INPP5A: variants seen among roughly 807,000 people sequenced by gnomAD.
INPP5A encodes the protein 43 kDa inositol polyphosphate 5-phophatase.
A neutral mutation model predicts 65.2 loss-of-function variants in INPP5A; 14 were observed. The observed-to-expected ratio is 0.21, with a 90% confidence interval of 0.14 to 0.34. INPP5A has a LOEUF of 0.34. Ranked by LOEUF, INPP5A falls within the 10% of genes least tolerant of loss-of-function variation. INPP5A has a pLI of 1.00. For missense variants in INPP5A, 431 were observed against 545.6 expected, an observed-to-expected ratio of 0.79 and a Z score of 2.09; for synonymous variants, 207 against 208.3, an observed-to-expected ratio of 0.99 and a Z score of 0.05.
intron 11 of INPP5A, 65 bp downstream of exon 11, chr10:132,749,910 A>G (rs1349308988): frequency 2.9e-6 from 4 of 1,387,986 alleles, no homozygotes; most frequent in Non-Finnish European, 4.1e-6. Flanking sequence ...AGGCCTTCCC[A>G]TTACCTCTGC....
chr10:132,628,290 C>T lies in INPP5A; in HGVS notation c.118-17578C>T, dbSNP rs369237153. On this transcript the variant is annotated intron_variant, in intron 2 of 15. Transcript: ENST00000368594. ...CCCTTTCTGGGCTGTGTAACCTCACCGTGCCCCGCTTCCTCGTGAGCATGC... is the reference window on the plus strand; with the variant it reads ...CCCTTTCTGGGCTGTGTAACCTCACTGTGCCCCGCTTCCTCGTGAGCATGC... Among the ~76,000 whole-genome samples, 38 of 152,106 alleles carry T rather than the reference C, an allele frequency of 2.5e-4. No individual in the cohort carries two copies. The East Asian group carries it at 2.5e-3, about 10-fold the overall frequency.
chr10:132,613,126 T>G (rs2071982275), intron 2 of INPP5A, among the ~76,000 whole-genome samples: 1 of 152,222 alleles, frequency 6.6e-6, no homozygotes, highest in Non-Finnish European at 1.5e-5. Flanking sequence ...TACCTTTTTT[T>G]CTTTTACTTA....
intron 1 of INPP5A, among the ~76,000 whole-genome samples, chr10:132,556,461 A>G (rs1319747749): frequency 6.6e-6 from 1 of 152,152 alleles, no homozygotes; most frequent in Non-Finnish European, 1.5e-5. Context: ...CTGTACACAC[A>G]TGCACATCAC....
chr10:132,650,029 C>A lies in INPP5A; in HGVS notation c.219-389C>A, dbSNP rs1288262788. Among the ~76,000 whole-genome samples, 2 of 152,154 alleles carry A rather than the reference C, an allele frequency of 1.3e-5. No homozygotes were observed. The highest frequency in any genetic ancestry group is 4.8e-5 in the African/African-American group (2 of 41,426). ...GTGCATGTGCCCCAACCTGTGTGTG[C>A]TGGTGGCTACTGGGGGTCCAATTTC... On this transcript the variant is annotated intron_variant, in intron 3 of 15. Transcript: ENST00000368594. This position sits in a 1 kb window ranked among gnomAD's most constrained non-coding sequence, Gnocchi z 5.5.
chr10:132,739,816 A>C (rs985751143), intron 9 of INPP5A, among the ~76,000 whole-genome samples: 1 of 152,200 alleles, frequency 6.6e-6, no homozygotes, highest in Non-Finnish European at 1.5e-5. Flanking sequence ...GCCAGGACCC[A>C]GGGGCCTCAG....
intron 1 of INPP5A, among the ~76,000 whole-genome samples, chr10:132,576,904 C>T (rs1022898189): frequency 6.6e-6 from 1 of 152,200 alleles, no homozygotes; most frequent in Non-Finnish European, 1.5e-5. Flanking sequence ...TGTGCTCTGC[C>T]GGTGTCTGCC....
chr10:132,755,037 G>C (rs1224828373), intron 11 of INPP5A, among the ~76,000 whole-genome samples: 1 of 151,832 alleles, frequency 6.6e-6, no homozygotes, highest in East Asian at 2.0e-4. Flanking sequence ...GCGTGTGTGT[G>C]ATCGTATGCA....
At chr10:132,579,784 G>A (rs1259190040) in intron 1 of INPP5A, among the ~76,000 whole-genome samples, 1 of 152,030 alleles carries the variant, frequency 6.6e-6, no homozygotes. Context: ...AGATTGAGCA[G>A]GTTTTTAATT....
intron 5 of INPP5A, among the ~76,000 whole-genome samples, chr10:132,691,190 A>T (rs1052199979): frequency 6.6e-6 from 1 of 152,126 alleles, no homozygotes; most frequent in African/African-American, 2.4e-5. Context: ...ATTGCGCGGT[A>T]GTCTTATCTC....
intron 4 of INPP5A, among the ~76,000 whole-genome samples, chr10:132,664,049 T>G (rs1394693065): frequency 1.3e-5 from 2 of 152,360 alleles, no homozygotes; most frequent in African/African-American, 2.4e-5. Context: ...ACTTTCATGC[T>G]TGTTAGCATT....
chr10:132,750,367 G>A (rs2001426), intron 11 of INPP5A, among the ~76,000 whole-genome samples: 24,839 of 152,268 alleles, frequency 0.16, 2,453 homozygotes, highest in Non-Finnish European at 0.22. Context: ...CCATGAGCAC[G>A]TGTGTAAACA....
chr10:132,715,705 A>G (rs1411871645), intron 8 of INPP5A, among the ~76,000 whole-genome samples: 3 of 152,242 alleles, frequency 2.0e-5, no homozygotes, highest in African/African-American at 7.2e-5. Context: ...CTCGGCATTA[A>G]AGATCTGGGT....
At chr10:132,585,547 C>T (rs141559309) in intron 1 of INPP5A, among the ~76,000 whole-genome samples, 131 of 152,256 alleles carry the variant, frequency 8.6e-4, no homozygotes, top group African/African-American at 3.0e-3. Context: ...CCGTTACAGG[C>T]GTCCACTGGG....
intron 1 of INPP5A, among the ~76,000 whole-genome samples, chr10:132,548,740 CAGCGTTTCA>C (rs2071011537): frequency 6.6e-6 from 1 of 150,940 alleles, no homozygotes; most frequent in Non-Finnish European, 1.5e-5. Context: ...TAGCATAACG[CAGCGTTTCA>C]AGGTTTGTAT....
intron 1 of INPP5A, among the ~76,000 whole-genome samples, chr10:132,556,398 T>C (rs2071126404): frequency 6.6e-6 from 1 of 152,152 alleles, no homozygotes. Context: ...AGGGCCAGAA[T>C]ATCTGGGCAC....
intron 7 of INPP5A, 196 bp downstream of exon 7, chr10:132,708,561 G>C (rs1355542670): frequency 1.4e-6 from 1 of 722,450 alleles, no homozygotes; most frequent in Non-Finnish European, 2.6e-6. Context: ...ACTGTTCCCT[G>C]TAAGTCAGAC....
intron 2 of INPP5A, among the ~76,000 whole-genome samples, chr10:132,638,549 C>T (rs2072386141): frequency 6.6e-6 from 1 of 152,098 alleles, no homozygotes; most frequent in Non-Finnish European, 1.5e-5. Flanking sequence ...ATTTGTAGCT[C>T]CCAATTTTAT....
At chr10:132,738,254 G>C (rs1170825084) in intron 9 of INPP5A, among the ~76,000 whole-genome samples, 1 of 152,222 alleles carries the variant, frequency 6.6e-6, no homozygotes, top group Non-Finnish European at 1.5e-5. Context: ...GCCAAGGCAG[G>C]GGGTTGCTGG....
At position 132,676,826 on chromosome 10, in the gene INPP5A, G is replaced by C. The variant is rs924645885; in HGVS notation, c.307-13566G>C. Among the ~76,000 whole-genome samples, 1 of 152,178 alleles carries C rather than the reference G, an allele frequency of 6.6e-6. No homozygotes were observed. Among genetic ancestry groups the C allele is most frequent in the African/African-American group, 2.4e-5 (1 of 41,432 alleles). On this transcript the variant is annotated intron_variant, in intron 4 of 15. Coordinates refer to ENST00000368594, the MANE Select transcript of INPP5A (RefSeq NM_005539.5). This position sits in a 1 kb window ranked among gnomAD's most constrained non-coding sequence, Gnocchi z 4.0. ...CTGTCTCTCCACAGTAGTAGCCTCA[G>C]TCCAGTGCTTGACCCTGCCCTTTTC... is the stretch of plus-strand genomic sequence containing the variant.
Sources: gnomAD v4.1 joint callset for allele counts (sites outside exome capture counted in the v4.1 genomes callset) on GRCh38, gnomAD v4.1.1 for gene constraint, Gnocchi (gnomAD v3.1) non-coding constraint, MANE v1.5 for transcripts, NCBI Gene and HGNC (gene_info 2026-07-23, HGNC 2026-07-21) for gene names.